CNTNAP5: variants seen among roughly 807,000 people sequenced by gnomAD.
CNTNAP5 encodes the protein contactin associated protein family member 5.
A neutral mutation model predicts 150.2 loss-of-function variants in CNTNAP5; 72 were observed. That is an observed-to-expected ratio of 0.48 (90% CI 0.40 to 0.58). The LOEUF (loss-of-function observed/expected upper bound fraction) is 0.58, where lower values mean the gene tolerates loss of function less well. Among genes scored for constraint, CNTNAP5 ranks in the 20% least tolerant of loss-of-function variants. The pLI is 0.00. For synonymous variants in CNTNAP5, 672 were observed against 619.8 expected (o/e 1.08, Z -1.25); for missense variants, 1,636 against 1,626.2 (o/e 1.01, Z -0.10).
At chr2:124,604,945 T>C (rs1697067737) in intron 11 of CNTNAP5, among the ~76,000 whole-genome samples, 1 of 152,220 alleles carries the variant, frequency 6.6e-6, no homozygotes. Context: ...GTCTACCCTA[T>C]TGATCCATTT....
chr2:124,673,766 A>G (rs1202482436), intron 13 of CNTNAP5, among the ~76,000 whole-genome samples: 1 of 81,914 alleles, frequency 1.2e-5, no homozygotes, highest in East Asian at 2.6e-4. Context: ...TACAGCATTA[A>G]AAAAAAAAAA....
At position 124,082,699 on chromosome 2, in the gene CNTNAP5, G is replaced by A. The variant is rs562874249; in HGVS notation, c.82+56967G>A. 3.3e-5 allele frequency among the ~76,000 whole-genome samples: 5 copies of A among 152,284 alleles called. No individual in the cohort carries two copies. In the South Asian group the frequency reaches 1.0e-3, roughly 32 times the overall value. On this transcript the variant is annotated intron_variant, in intron 1 of 23. Coordinates refer to ENST00000682447, the MANE Select transcript of CNTNAP5 (RefSeq NM_001367498.1). ...ACAATTGTTGGGCCATATGGCAGTG[G>A]CATGTATACTTTTTAAATAATCTGT...
At chr2:124,266,986 C>A (rs202058219) in intron 3 of CNTNAP5, among the ~76,000 whole-genome samples, 23,281 of 114,828 alleles carry the variant, frequency 0.2, 1,899 homozygotes, top group Non-Finnish European at 0.25. Flanking sequence ...TTTTTTTTTA[C>A]AATGCTGGGA....
chr2:124,205,371 C>G (rs1685835769), intron 1 of CNTNAP5, among the ~76,000 whole-genome samples: 1 of 151,916 alleles, frequency 6.6e-6, no homozygotes, highest in Non-Finnish European at 1.5e-5. Context: ...TTCCTGAGGC[C>G]TCCCCAGCAA....
intron 13 of CNTNAP5, among the ~76,000 whole-genome samples, chr2:124,714,126 T>C (rs576236494): frequency 1.2e-4 from 19 of 152,156 alleles, no homozygotes; most frequent in Non-Finnish European, 2.4e-4. Flanking sequence ...TTTGCTCCCA[T>C]GGTGTTCCAT....
At chr2:124,902,849 GTA>G (rs769081770) in intron 21 of CNTNAP5, 31 bp from the exon 22 acceptor site, 3 of 1,518,426 alleles carry the variant, frequency 2.0e-6, no homozygotes, top group Non-Finnish European at 1.8e-6. Flanking sequence ...AACAAAAAAA[GTA>G]AAGGACTTCT....
chr2:124,707,158 A>G lies in CNTNAP5; in HGVS notation c.2078-40071A>G, dbSNP rs150541128. On this transcript the variant is annotated intron_variant, in intron 13 of 23. Coordinates refer to ENST00000682447, the MANE Select transcript of CNTNAP5 (RefSeq NM_001367498.1). ...AAGAAGAGGAAGAAGAAGAAGAAGA[A>G]GAAGAAGAAGAAGAAGAAGAAGAAG... is the stretch of plus-strand genomic sequence containing the variant. 6.5e-3 allele frequency among the ~76,000 whole-genome samples: 671 copies of G among 103,922 alleles called. 13 individuals are homozygous for G. The highest frequency in any genetic ancestry group is 0.011 in the Admixed American group (90 of 8,566). 68.2% of individuals were successfully genotyped at this position (103,922 alleles called of 152,430 possible).
chr2:124,833,069 C>T (rs1412303231), intron 19 of CNTNAP5, among the ~76,000 whole-genome samples: 1 of 151,816 alleles, frequency 6.6e-6, no homozygotes, highest in African/African-American at 2.4e-5. Flanking sequence ...ACCACCACTC[C>T]CAGCTAATTT....
chr2:124,398,904 T>G (rs1290503387), intron 3 of CNTNAP5, among the ~76,000 whole-genome samples: 7 of 152,112 alleles, frequency 4.6e-5, no homozygotes, highest in Non-Finnish European at 7.3e-5. Context: ...AAGATGATGG[T>G]GATGATGGAG....
At chr2:124,477,547 C>T (rs1693669981) in intron 7 of CNTNAP5, among the ~76,000 whole-genome samples, 1 of 152,022 alleles carries the variant, frequency 6.6e-6, no homozygotes, top group Non-Finnish European at 1.5e-5. Context: ...CATGACATTA[C>T]TTGTCCATCT....
chr2:124,773,764 G>GGTGT (rs142316769), intron 17 of CNTNAP5, among the ~76,000 whole-genome samples: 4 of 150,574 alleles, frequency 2.7e-5, no homozygotes, highest in East Asian at 1.9e-4. Context: ...ATAATCCTCT[G>GGTGT]GTGTGTGTGT....
chr2:124,232,562 T>A (rs1224591410), intron 2 of CNTNAP5, among the ~76,000 whole-genome samples: 1 of 152,154 alleles, frequency 6.6e-6, no homozygotes, highest in Non-Finnish European at 1.5e-5. Flanking sequence ...CTTTAGTTCA[T>A]CTTTCTCCAG....
chr2:124,489,000 A>G (rs1404394049), intron 7 of CNTNAP5, among the ~76,000 whole-genome samples: 1 of 152,206 alleles, frequency 6.6e-6, no homozygotes, highest in African/African-American at 2.4e-5. Context: ...TGTGTGTGGC[A>G]GAAGATGTGG....
chr2:124,535,618 A>AAG (rs1695212744), intron 10 of CNTNAP5, among the ~76,000 whole-genome samples: 1 of 151,406 alleles, frequency 6.6e-6, no homozygotes, highest in African/African-American at 2.4e-5. Context: ...AAAAAAAAAA[A>AAG]AAAAAAAAAT....
chr2:124,690,921 C>T (rs1679288242), intron 13 of CNTNAP5, among the ~76,000 whole-genome samples: 1 of 152,030 alleles, frequency 6.6e-6, no homozygotes, highest in Non-Finnish European at 1.5e-5. Context: ...CCCCTTTACC[C>T]TCAAGGTTTG....
intron 11 of CNTNAP5, among the ~76,000 whole-genome samples, chr2:124,578,746 CT>C (rs1413223544): frequency 6.6e-6 from 1 of 152,016 alleles, no homozygotes; most frequent in Non-Finnish European, 1.5e-5. Context: ...GCATTCCAGC[CT>C]GTGTAACAGA....
intron 3 of CNTNAP5, among the ~76,000 whole-genome samples, chr2:124,247,516 G>C (rs1687059557): frequency 6.6e-6 from 1 of 152,094 alleles, no homozygotes; most frequent in Admixed American, 6.6e-5. Flanking sequence ...AACCAGAAGA[G>C]ACCATATTTA....
chr2:124,677,261 C>A (rs530783020), intron 13 of CNTNAP5, among the ~76,000 whole-genome samples: 1 of 152,236 alleles, frequency 6.6e-6, no homozygotes, highest in East Asian at 1.9e-4. Flanking sequence ...CTTTTTCCTC[C>A]CAGTGGGTTC....
At chr2:124,670,182 T>TTCCTTC (rs749580404) in intron 13 of CNTNAP5, among the ~76,000 whole-genome samples, 1 of 144,442 alleles carries the variant, frequency 6.9e-6, no homozygotes, top group African/African-American at 2.6e-5. Context: ...CCTTCCTCCC[T>TTCCTTC]CTCTTTCTCT....
Sources: allele counts gnomAD v4.1 joint callset (sites outside exome capture counted in the v4.1 genomes callset), GRCh38; gene constraint gnomAD v4.1.1; transcripts MANE v1.5; gene names NCBI Gene and HGNC (gene_info 2026-07-23, HGNC 2026-07-21).